The following MED12L variants were observed in gnomAD, a reference collection of about 807,000 sequenced individuals.
The protein encoded by MED12L is mediator of RNA polymerase II transcription subunit 12-like protein.
MED12L carries 60 observed loss-of-function variants against 281.3 expected under a neutral mutation model. That is an observed-to-expected ratio of 0.21 (90% CI 0.17 to 0.26). The LOEUF (loss-of-function observed/expected upper bound fraction) is 0.26, where lower values mean the gene tolerates loss of function less well. Ranked by LOEUF, MED12L falls within the 10% of genes least tolerant of loss-of-function variation. The probability of loss-of-function intolerance (pLI) is 1.00; values close to 1 mark genes in which losing one functional copy is unlikely to be tolerated. For missense variants in MED12L, 2,146 were observed against 2,680.9 expected (o/e 0.80, Z 4.41); for synonymous variants, 974 against 987.2 (o/e 0.99, Z 0.25).
intron 16 of MED12L, 25 bp downstream of exon 16, chr3:151,193,691 A>C: frequency 1.3e-6 from 2 of 1,559,464 alleles, no homozygotes; most frequent in Non-Finnish European, 1.8e-6. Context: ...CAGTTAATCT[A>C]TACCCTGATT....
Position 151,390,070 on chromosome 3 carries a change from G to T in MED12L, c.5543G>T (p.Gly1848Val). ...MMHHPQSTLW[G>V]YNLVGQPQQP... ...CACCATCCACAGTCCACCTTGTGGG[G>T]TTACAACCTCGTGGGCCAGCCCCAG... Residue 1848 changes from glycine (G) to valine (V), a missense_variant, in exon 38 of 45, where the codon GGT becomes GTT. Physicochemically the swap from Gly to Val is moderately radical, Grantham distance 109 (BLOSUM62 -3). This residue lies in a region of MED12L where 496 missense variants were observed against 512.0 expected (regional missense o/e 0.97). Transcript: ENST00000687756. 6.2e-7 allele frequency: 1 copy of T among 1,614,116 alleles called. No individual in the cohort carries two copies. The highest frequency in any genetic ancestry group is 8.5e-7 in the Non-Finnish European group (1 of 1,179,966).
chr3:151,229,331 G>A (rs1174996640), intron 16 of MED12L, among the ~76,000 whole-genome samples: 10 of 133,340 alleles, frequency 7.5e-5, no homozygotes. Flanking sequence ...TTTTTGAGAT[G>A]GAGTCTTGCT....
intron 2 of MED12L, among the ~76,000 whole-genome samples, chr3:151,113,413 T>C (rs1265289498): frequency 6.6e-6 from 1 of 152,182 alleles, no homozygotes; most frequent in African/African-American, 2.4e-5. Context: ...TAGGACATCA[T>C]AGGGCCTTTG....
chr3:151,091,661 G>C (rs1427845368), intron 2 of MED12L, among the ~76,000 whole-genome samples: 2 of 152,230 alleles, frequency 1.3e-5, no homozygotes, highest in African/African-American at 4.8e-5. Flanking sequence ...AGATCTAAGG[G>C]AATGGACCAG....
rs1015998056 is a variant in MED12L at position 151,236,504 on chromosome 3, G to A, written c.2250+42838G>A. Among the ~76,000 whole-genome samples the A allele has an allele frequency of 2.6e-5, 4 of 152,114 alleles. No homozygotes were observed. The East Asian group carries it at 5.8e-4, about 22-fold the overall frequency. On this transcript the variant is annotated intron_variant, in intron 16 of 44. Coordinates refer to ENST00000687756, the MANE Select transcript of MED12L (RefSeq NM_001393769.1). Reference sequence around the variant, plus strand: ...CTCCTTCAGACTCAGTAACCAAAACGAAAGCCAAGACCTTGACAGTAAGCA... The same window carrying A: ...CTCCTTCAGACTCAGTAACCAAAACAAAAGCCAAGACCTTGACAGTAAGCA...
chr3:151,211,472 A>G (rs1727153033), intron 16 of MED12L, among the ~76,000 whole-genome samples: 1 of 150,392 alleles, frequency 6.6e-6, no homozygotes, highest in Non-Finnish European at 1.5e-5. Flanking sequence ...GTGATAGCAT[A>G]GCAATTTTCG....
chr3:151,309,966 G>C (rs1212146117), intron 16 of MED12L, among the ~76,000 whole-genome samples: 1 of 152,158 alleles, frequency 6.6e-6, no homozygotes, highest in African/African-American at 2.4e-5. Context: ...GACAAGAGTA[G>C]GAATTGGCCA....
At chr3:151,167,721 C>G (rs984381712) in intron 11 of MED12L, among the ~76,000 whole-genome samples, 4 of 152,144 alleles carry the variant, frequency 2.6e-5, no homozygotes, top group African/African-American at 9.7e-5. Context: ...CTGATATAAT[C>G]CTCTGCTTAC....
chr3:151,296,189 T>C (rs1293826894), intron 16 of MED12L, among the ~76,000 whole-genome samples: 2 of 152,240 alleles, frequency 1.3e-5, no homozygotes, highest in Non-Finnish European at 2.9e-5. Context: ...CTATTGTATT[T>C]ATTGTGGGAA....
At chr3:151,184,525 C>A (rs1723047185) in intron 11 of MED12L, among the ~76,000 whole-genome samples, 2 of 152,132 alleles carry the variant, frequency 1.3e-5, no homozygotes, top group Admixed American at 1.3e-4. Context: ...TTGGCGTGGA[C>A]CCTCTAAAAG....
intron 2 of MED12L, among the ~76,000 whole-genome samples, chr3:151,102,395 T>G (rs923524150): frequency 1.3e-5 from 2 of 152,164 alleles, no homozygotes. Flanking sequence ...CAGGGGAAAT[T>G]TGTTTCCTTG....
intron 4 of MED12L, among the ~76,000 whole-genome samples, chr3:151,123,683 G>T (rs986860886): frequency 3.9e-5 from 6 of 152,012 alleles, no homozygotes; most frequent in African/African-American, 1.2e-4. Flanking sequence ...ATAATCCCAG[G>T]GGTCTTTTCT....
At chr3:151,092,565 T>C (rs1720192769) in intron 2 of MED12L, among the ~76,000 whole-genome samples, 1 of 152,262 alleles carries the variant, frequency 6.6e-6, no homozygotes, top group African/African-American at 2.4e-5. Flanking sequence ...GTAACTCCTG[T>C]TAGTTTTCTT....
At chr3:151,317,812 T>C (rs1027743590) in intron 16 of MED12L, among the ~76,000 whole-genome samples, 3 of 152,144 alleles carry the variant, frequency 2.0e-5, no homozygotes, top group African/African-American at 7.2e-5. Flanking sequence ...ATTCTGATAT[T>C]TTCTTGAATG....
In MED12L at chr3:151,107,736, G is replaced by A. The variant is rs530278176; in HGVS notation, c.100-8602G>A. Among the ~76,000 whole-genome samples, 9 of 151,910 alleles carry A rather than the reference G, an allele frequency of 5.9e-5. No homozygotes were observed. The South Asian group carries it at 1.7e-3, about 28-fold the overall frequency. On this transcript the variant is annotated intron_variant, in intron 2 of 44. Transcript: ENST00000687756. ...TATAGGGCATTTAATAATGGACCAGGCACTGTGCTAAACTCTGCACATTTA... is the reference window on the plus strand; with the variant it reads ...TATAGGGCATTTAATAATGGACCAGACACTGTGCTAAACTCTGCACATTTA...
chr3:151,171,799 C>T (rs991579932), intron 11 of MED12L, among the ~76,000 whole-genome samples: 1 of 152,208 alleles, frequency 6.6e-6, no homozygotes, highest in Non-Finnish European at 1.5e-5. Flanking sequence ...CACCACGATC[C>T]AGAGGACAAA....
At chr3:151,392,684 A>G (rs1316183644) in intron 38 of MED12L, among the ~76,000 whole-genome samples, 2 of 152,074 alleles carry the variant, frequency 1.3e-5, no homozygotes, top group Non-Finnish European at 2.9e-5. Flanking sequence ...TATCTTTCCT[A>G]ATCTTTCTCA....
In MED12L at chr3:151,134,192, T is replaced by G. The variant is rs543710824; in HGVS notation, c.556+6208T>G. The stretch of plus-strand genomic sequence containing the variant: ...ATCCCTTGCTGTTGTGGGGTTGTTT[T>G]TTTTTTTTTTTTGGCCTGTTTGAAA... On this transcript the variant is annotated intron_variant, in intron 5 of 44. Transcript: ENST00000687756. Among the ~76,000 whole-genome samples the G allele has an allele frequency of 2.0e-4, 31 of 151,458 alleles. 1 individual carries two copies. The East Asian group carries it at 5.6e-3, about 27-fold the overall frequency.
At position 151,179,281 on chromosome 3, in the gene MED12L, A is replaced by C. The variant is rs552769334; in HGVS notation, c.1495-6049A>C. 2.0e-4 allele frequency among the ~76,000 whole-genome samples: 31 copies of C among 151,966 alleles called. No homozygotes were observed. In the South Asian group the frequency reaches 6.3e-3, roughly 31 times the overall value. ...CTTGAACCCAAGAGGCAGAGCTTGCAGTGAGCCGAGATTGTACAACTGTAC... is the reference window on the plus strand; with the variant it reads ...CTTGAACCCAAGAGGCAGAGCTTGCCGTGAGCCGAGATTGTACAACTGTAC... On this transcript the variant is annotated intron_variant, in intron 11 of 44. Coordinates refer to ENST00000687756, the MANE Select transcript of MED12L (RefSeq NM_001393769.1).
Sources: gnomAD v4.1 joint callset for allele counts (sites outside exome capture counted in the v4.1 genomes callset) on GRCh38, gnomAD v4.1.1 for gene constraint, gnomAD v4.1.1 regional missense constraint, MANE v1.5 for transcripts, NCBI Gene and HGNC (gene_info 2026-07-23, HGNC 2026-07-21) for gene names.